FAM185A: variants seen among roughly 807,000 people sequenced by gnomAD.
The protein encoded by FAM185A is family with sequence similarity 185 member A.
In FAM185A, 21 loss-of-function variants were observed where a neutral mutation model predicts 45.7. The ratio of observed to expected loss-of-function variants is 0.46; its 90% confidence interval spans 0.33 to 0.66. FAM185A has a LOEUF of 0.66. Ranked by LOEUF, FAM185A falls within the 30% of genes least tolerant of loss-of-function variation. The pLI, the probability that FAM185A is intolerant of heterozygous loss-of-function variation, is 0.03. For synonymous variants in FAM185A, 117 were observed against 194.0 expected (o/e 0.60, Z 3.30); for missense variants, 305 against 485.4 (o/e 0.63, Z 3.49).
intron 5 of FAM185A, among the ~76,000 whole-genome samples, chr7:102,776,103 C>T (rs1795043999): frequency 8.4e-6 from 1 of 119,126 alleles, no homozygotes; most frequent in Non-Finnish European, 1.6e-5. Flanking sequence ...CTCCTATACA[C>T]ACACACACAC....
At chr7:102,798,816 C>T (rs1167262332) in intron 7 of FAM185A, among the ~76,000 whole-genome samples, 10 of 151,948 alleles carry the variant, frequency 6.6e-5, no homozygotes, top group African/African-American at 1.9e-4. Context: ...GGCACAATCT[C>T]GGCTCACTGC....
chr7:102,822,441 C>A, the FAM185A span: 1 of 637,648 alleles, frequency 1.6e-6, no homozygotes, highest in Non-Finnish European at 2.9e-6. Flanking sequence ...TTCTTGCTAT[C>A]TTCTCACATG....
chr7:102,819,635 A>T, the FAM185A span, among the ~76,000 whole-genome samples: 2 of 152,216 alleles, frequency 1.3e-5, no homozygotes, highest in South Asian at 2.1e-4. Flanking sequence ...AAATGGAATC[A>T]AGCATGTGGA....
chr7:102,782,977 A>C (rs950590413), intron 6 of FAM185A, among the ~76,000 whole-genome samples: 28 of 151,584 alleles, frequency 1.8e-4, no homozygotes, highest in Admixed American at 1.8e-3. Flanking sequence ...AATAGAAAAC[A>C]AAAAAAGGCA....
chr7:102,834,090 G>GGAAGGAAGGAAGGAAGGAAAGA, the FAM185A span, among the ~76,000 whole-genome samples: 12 of 70,474 alleles, frequency 1.7e-4, no homozygotes, highest in South Asian at 5.0e-4. Context: ...GGAAAGAAAA[G>GGAAGGAAGGAAGGAAGGAAAGA]AAAGAAAGAA....
intron 7 of FAM185A, among the ~76,000 whole-genome samples, chr7:102,802,814 C>A (rs2129443853): frequency 6.6e-6 from 1 of 151,340 alleles, no homozygotes; most frequent in South Asian, 2.1e-4. Context: ...TAAGATTAAC[C>A]AAGAAAAAAA....
chr7:102,824,806 T>TC, the FAM185A span, among the ~76,000 whole-genome samples: 1 of 118,360 alleles, frequency 8.4e-6, no homozygotes, highest in Non-Finnish European at 1.7e-5. Flanking sequence ...TTTTTTTTTT[T>TC]CCGAGTTGGG....
chr7:102,843,659 C>T, the FAM185A span, among the ~76,000 whole-genome samples: 6 of 152,006 alleles, frequency 3.9e-5, no homozygotes, highest in Admixed American at 1.3e-4. Context: ...ACCTGTAATC[C>T]CAGCTACTCC....
intron 7 of FAM185A, among the ~76,000 whole-genome samples, chr7:102,791,972 G>A (rs1353153640): frequency 2.0e-5 from 3 of 151,836 alleles, no homozygotes; most frequent in Non-Finnish European, 4.4e-5. Context: ...AGCTTTATAT[G>A]TGAGCTATTA....
intron 7 of FAM185A, among the ~76,000 whole-genome samples, chr7:102,801,151 C>A (rs1041245814): frequency 1.3e-5 from 2 of 152,098 alleles, no homozygotes; most frequent in African/African-American, 4.8e-5. Flanking sequence ...ATGAAAGATA[C>A]AGTCTTTTTC....
downstream of FAM185A, among the ~76,000 whole-genome samples, chr7:102,810,507 C>G (rs1001963385): frequency 2.6e-5 from 4 of 151,746 alleles, no homozygotes; most frequent in African/African-American, 9.7e-5. Context: ...GCTGGGATTA[C>G]AGGTGTGAGC....
At chr7:102,756,437 C>T (rs1479027387) in intron 2 of FAM185A, among the ~76,000 whole-genome samples, 1 of 151,588 alleles carries the variant, frequency 6.6e-6, no homozygotes, top group Non-Finnish European at 1.5e-5. Flanking sequence ...GCGGGTGGAT[C>T]ACGAGGTCAA....
intron 7 of FAM185A, among the ~76,000 whole-genome samples, chr7:102,792,032 GA>G (rs1319409613): frequency 1.4e-5 from 2 of 147,102 alleles, no homozygotes; most frequent in East Asian, 4.1e-4. Context: ...TAGAGCCCAT[GA>G]GGGATAAAAA....
chr7:102,850,092 C>A, the FAM185A span, among the ~76,000 whole-genome samples: 2 of 151,882 alleles, frequency 1.3e-5, no homozygotes, highest in African/African-American at 4.8e-5. Flanking sequence ...AAATACATGT[C>A]AGTTTGTAAA....
the FAM185A span, among the ~76,000 whole-genome samples, chr7:102,823,815 G>A: frequency 6.6e-6 from 1 of 152,212 alleles, no homozygotes; most frequent in Non-Finnish European, 1.5e-5. Context: ...AAAAAGAGAC[G>A]TTGCCATTGT....
chr7:102,752,930 AT>A (rs1456614901), intron 2 of FAM185A, among the ~76,000 whole-genome samples: 2 of 150,638 alleles, frequency 1.3e-5, no homozygotes, highest in African/African-American at 4.9e-5. Context: ...TCATTTTTAG[AT>A]TTCTAAACAC....
chr7:102,799,909 G>A lies in FAM185A; in HGVS notation c.1067-8381G>A, dbSNP rs576246948. ...CGGACAGAGCAGCGTGTAGAGGCTC[G>A]CGTCATGAATTTTAGCTCCAGAACA... On this transcript the variant is annotated intron_variant, in intron 7 of 7. Transcript: ENST00000413034. Among the ~76,000 whole-genome samples, 3 of 152,198 alleles carry A rather than the reference G, an allele frequency of 2.0e-5. No individual in the cohort carries two copies. In the East Asian group the frequency reaches 5.8e-4, roughly 29 times the overall value.
downstream of FAM185A, chr7:102,813,537 ATAACAG>A: frequency 6.2e-7 from 1 of 1,613,476 alleles, no homozygotes; most frequent in Non-Finnish European, 8.5e-7. Context: ...CCTTCCTGTA[ATAACAG>A]TGCTTAGCAT....
intron 7 of FAM185A, among the ~76,000 whole-genome samples, chr7:102,807,080 A>T (rs1408205075): frequency 2.0e-5 from 3 of 152,164 alleles, no homozygotes; most frequent in Non-Finnish European, 4.4e-5. Flanking sequence ...GGATTTTTTT[A>T]AAAAGAGTGC....
Sources: gnomAD v4.1 joint callset for allele counts (sites outside exome capture counted in the v4.1 genomes callset) on GRCh38, gnomAD v4.1.1 for gene constraint, MANE v1.5 for transcripts, NCBI Gene and HGNC (gene_info 2026-07-23, HGNC 2026-07-21) for gene names.